The following CSN1S1 variants were observed in gnomAD, a reference collection of about 807,000 sequenced individuals.
CSN1S1 encodes the protein casein alpha s1.
CSN1S1 carries 63 observed loss-of-function variants against 49.1 expected under a neutral mutation model. The observed-to-expected ratio is 1.28, with a 90% confidence interval of 1.05 to 1.58. The LOEUF (loss-of-function observed/expected upper bound fraction) is 1.58. CSN1S1 is among the 40% of genes most tolerant of loss of function. The pLI is 0.00. For missense variants in CSN1S1, 260 were observed against 224.7 expected (o/e 1.16, Z -1.01); for synonymous variants, 78 against 67.1 (o/e 1.16, Z -0.79).
At chr4:69,932,010 CT>C (rs1217827405) in intron 1 of CSN1S1, among the ~76,000 whole-genome samples, 1 of 151,746 alleles carries the variant, frequency 6.6e-6, no homozygotes, top group African/African-American at 2.4e-5. Flanking sequence ...AGATCAATAG[CT>C]TTTACATAAC....
At chr4:69,933,558 A>G (rs1470553640) in intron 2 of CSN1S1, among the ~76,000 whole-genome samples, 1 of 152,124 alleles carries the variant, frequency 6.6e-6, no homozygotes. Flanking sequence ...CAAAACAATG[A>G]TAAAACTTCC....
chr4:69,944,240 T>A (rs958715403), intron 14 of CSN1S1, among the ~76,000 whole-genome samples: 3 of 152,136 alleles, frequency 2.0e-5, no homozygotes, highest in South Asian at 4.1e-4. Context: ...AACAATGCAA[T>A]TATTAGTACA....
chr4:69,936,076 T>G (rs144400221), intron 5 of CSN1S1, 127 bp downstream of exon 5: 9 of 726,690 alleles, frequency 1.2e-5, no homozygotes, highest in Non-Finnish European at 2.1e-5. Context: ...TGGAACAAAC[T>G]TAAAAATATT....
Position 69,946,273 on chromosome 4 carries a change from A to G in CSN1S1, c.*77A>G, listed in dbSNP as rs575035720. The G allele has an allele frequency of 1.6e-5, 7 of 427,468 alleles. No homozygotes were observed. The South Asian group carries it at 3.6e-4, about 22-fold the overall frequency. 26.5% of individuals were successfully genotyped at this position (427,468 alleles called of 1,614,324 possible). A position where few individuals can be genotyped will look rare whatever the true frequency, so the allele number is the denominator to read the frequency against. Reference sequence around the variant, plus strand: ...TATCTGAAGACTGGACTGTTGTTTTAGAATAGTAAAATCCCATATTGAAGG... The same window carrying G: ...TATCTGAAGACTGGACTGTTGTTTTGGAATAGTAAAATCCCATATTGAAGG... On this transcript the variant is annotated 3_prime_UTR_variant, in exon 16 of 16. Coordinates refer to ENST00000246891, the MANE Select transcript of CSN1S1 (RefSeq NM_001890.2).
In CSN1S1 at chr4:69,940,055, T is replaced by C; in HGVS notation, c.300+11T>C. On this transcript the variant is annotated intron_variant, in intron 11 of 15. Coordinates refer to ENST00000246891, the MANE Select transcript of CSN1S1 (RefSeq NM_001890.2). ...CTCAGTAAGTGTGCGGTAAGACATA[T>C]TTGCTAAATTTAAAATATATTAATA... 1.5e-6 allele frequency: 2 copies of C among 1,339,080 alleles called. No homozygotes were observed. Among genetic ancestry groups the C allele is most frequent in the Middle Eastern group, 2.0e-4 (1 of 4,962 alleles). 82.9% of individuals were successfully genotyped at this position (1,339,080 alleles called of 1,614,324 possible).
Position 69,942,584 on chromosome 4 carries a change from T to C in CSN1S1, c.402+7T>C, listed in dbSNP as rs1259169951. ...AAACAGCCATGTCCAAGTGGTAATA[T>C]TTTGCTTAATATATTACAAAACGAT... On this transcript the variant is annotated splice_region_variant and intron_variant, in intron 14 of 15. Coordinates refer to ENST00000246891, the MANE Select transcript of CSN1S1 (RefSeq NM_001890.2). 14 of 1,576,684 alleles carry C rather than the reference T, an allele frequency of 8.9e-6. No individual in the cohort carries two copies. Among genetic ancestry groups the C allele is most frequent in the Non-Finnish European group, 1.2e-5 (14 of 1,158,740 alleles).
intron 14 of CSN1S1, among the ~76,000 whole-genome samples, 170 bp from the exon 15 acceptor site, chr4:69,944,680 A>T (rs1723094046): frequency 6.6e-6 from 1 of 152,026 alleles, no homozygotes; most frequent in African/African-American, 2.4e-5. Flanking sequence ...AAGTTTCTTC[A>T]ACATGGTTCA....
At chr4:69,939,033 T>C in intron 9 of CSN1S1, 143 bp from the exon 10 acceptor site, 1 of 487,170 alleles carries the variant, frequency 2.1e-6, no homozygotes, top group Non-Finnish European at 3.7e-6. Flanking sequence ...GAAAATACAA[T>C]GTAGTACGCC....
intron 11 of CSN1S1, among the ~76,000 whole-genome samples, chr4:69,940,635 A>G (rs1722942884): frequency 6.6e-6 from 1 of 151,832 alleles, no homozygotes; most frequent in Non-Finnish European, 1.5e-5. Context: ...TAAATGTTGG[A>G]TAGCATTTGA....
chr4:69,942,441 T>C (rs550331253), intron 13 of CSN1S1, 95 bp from the exon 14 acceptor site: 6 of 977,860 alleles, frequency 6.1e-6, no homozygotes, highest in South Asian at 4.3e-5. Context: ...CTAAATTTCA[T>C]GAATGATGTT....
chr4:69,936,431 TTA>T (rs1421481523), intron 5 of CSN1S1, 23 bp from the exon 6 acceptor site: 7 of 1,502,172 alleles, frequency 4.7e-6, no homozygotes, highest in Non-Finnish European at 5.5e-6. Context: ...CTAATATTGT[TTA>T]TGTTTTCTTT....
rs144400221 is a variant in CSN1S1 at position 69,936,076 on chromosome 4, T to C, written c.129+127T>C. 49 of 726,808 alleles carry C rather than the reference T, an allele frequency of 6.7e-5. No individual in the cohort carries two copies. The African/African-American group carries it at 8.0e-4, about 12-fold the overall frequency. 45.0% of individuals were successfully genotyped at this position (726,808 alleles called of 1,614,324 possible). A position where few individuals can be genotyped will look rare whatever the true frequency, so the allele number is the denominator to read the frequency against. On this transcript the variant is annotated intron_variant, in intron 5 of 15. Transcript: ENST00000246891. ...GATAACAAATTTGAGTGGAACAAAC[T>C]TAAAAATATTGTTAAATGCACATTT...
intron 14 of CSN1S1, among the ~76,000 whole-genome samples, chr4:69,943,958 T>C (rs1723065495): frequency 6.6e-6 from 1 of 152,016 alleles, no homozygotes; most frequent in South Asian, 2.1e-4. Context: ...ATATGATCTT[T>C]GGGAAACACA....
chr4:69,936,718 G>T, intron 7 of CSN1S1, 111 bp downstream of exon 7: 1 of 984,766 alleles, frequency 1.0e-6, no homozygotes. Context: ...TCCTTTCCTT[G>T]AACTTTTCAC....
At position 69,944,922 on chromosome 4, in the gene CSN1S1, G is replaced by A; in HGVS notation, c.475G>A (p.Val159Ile). Residue 159 changes from valine to isoleucine, a missense_variant, in exon 15 of 16, where the codon GTT (valine) becomes ATT (isoleucine). Physicochemically the swap from Val to Ile is conservative, Grantham distance 29. Coordinates refer to ENST00000246891, the MANE Select transcript of CSN1S1 (RefSeq NM_001890.2). ...VWYYPQIMQY[V>I]PFPPFSDISN... ...GTACTATCCACAAATCATGCAGTAT[G>A]TTCCTTTCCCACCGTTTTCCGACAT... 1 of 1,612,946 alleles carries A rather than the reference G, an allele frequency of 6.2e-7. No individual in the cohort carries two copies. The highest frequency in any genetic ancestry group is 8.5e-7 in the Non-Finnish European group (1 of 1,179,300).
At chr4:69,936,674 C>A in intron 7 of CSN1S1, 67 bp downstream of exon 7, 1 of 1,447,016 alleles carries the variant, frequency 6.9e-7, no homozygotes, top group Non-Finnish European at 9.3e-7. Context: ...AAAAGTTTTC[C>A]TTTAGGAAAA....
intron 15 of CSN1S1, 48 bp from the exon 16 acceptor site, chr4:69,946,148 C>CA: frequency 2.1e-6 from 1 of 474,910 alleles, no homozygotes; most frequent in Non-Finnish European, 3.9e-6. Flanking sequence ...TTCTTTTCTT[C>CA]AAAAATATTT....
At chr4:69,942,640 C>A (rs1449897197) in intron 14 of CSN1S1, 63 bp downstream of exon 14, 3 of 1,259,082 alleles carry the variant, frequency 2.4e-6, no homozygotes, top group Non-Finnish European at 2.3e-6. Flanking sequence ...TATGTTTGCT[C>A]TTAAATAGCC....
At position 69,936,437 on chromosome 4, in the gene CSN1S1, T is replaced by G. The variant is rs1560387076; in HGVS notation, c.130-19T>G. 2.0e-6 allele frequency: 3 copies of G among 1,520,074 alleles called. No homozygotes were observed. The highest frequency in any genetic ancestry group is 1.4e-5 in the African/African-American group (1 of 73,036). 94.2% of individuals were successfully genotyped at this position (1,520,074 alleles called of 1,614,324 possible). ...CTTGTTTCACTAATATTGTTTATGTTTTCTTTTTTATCCCTAAGGAATACA... is the reference window on the plus strand; with the variant it reads ...CTTGTTTCACTAATATTGTTTATGTGTTCTTTTTTATCCCTAAGGAATACA... On this transcript the variant is annotated intron_variant, in intron 5 of 15. Coordinates refer to ENST00000246891, the MANE Select transcript of CSN1S1 (RefSeq NM_001890.2).
Sources: gnomAD v4.1 joint callset for allele counts (sites outside exome capture counted in the v4.1 genomes callset) on GRCh38, gnomAD v4.1.1 for gene constraint, MANE v1.5 for transcripts, NCBI Gene and HGNC (gene_info 2026-07-23, HGNC 2026-07-21) for gene names.